Variants in ARL14EP observed in about 807,000 individuals in gnomAD.
ARL14EP encodes ARF like GTPase 14 effector protein, also known as ARL14 effector protein.
ARL14EP carries 12 observed loss-of-function variants against 23.1 expected under a neutral mutation model. That is an observed-to-expected ratio of 0.52 (90% CI 0.33 to 0.84). The LOEUF is 0.84. Among genes scored for constraint, ARL14EP ranks in the 40% least tolerant of loss-of-function variants. ARL14EP has a pLI of 0.02. For missense variants in ARL14EP, 253 were observed against 307.3 expected (o/e 0.82, Z 1.32); for synonymous variants, 97 against 102.0 (o/e 0.95, Z 0.29).
chr11:30,331,850 A>G, intron 2 of ARL14EP: 1 of 969,852 alleles, frequency 1.0e-6, no homozygotes, highest in Middle Eastern at 5.3e-4. Flanking sequence ...CTCCTTTGAC[A>G]CTGTCTCGTT....
intron 1 of ARL14EP, among the ~76,000 whole-genome samples, 171 bp downstream of exon 1, chr11:30,323,373 C>A (rs1371718671): frequency 6.6e-6 from 1 of 152,182 alleles, no homozygotes; most frequent in African/African-American, 2.4e-5. Context: ...CACCCCTACC[C>A]CCGCGTAGTT....
rs1947337977 is a variant in ARL14EP, at chr11:30,336,965, G to C, written c.*170G>C. Reference sequence around the variant, plus strand: ...AGATTCACTATTTGATATAAATTCAGATAGGCTATTTTTCAGTAGTCAGCG... The same window carrying C: ...AGATTCACTATTTGATATAAATTCACATAGGCTATTTTTCAGTAGTCAGCG... On this transcript the variant is annotated 3_prime_UTR_variant, in exon 4 of 4. Coordinates refer to ENST00000282032, the MANE Select transcript of ARL14EP (RefSeq NM_152316.3). The C allele has an allele frequency of 8.8e-6, 6 of 678,024 alleles. No homozygotes were observed. Among genetic ancestry groups the C allele is most frequent in the South Asian group, 8.8e-5 (5 of 56,686 alleles). The allele number at this position is 678,024 out of a possible 1,614,324, so 42.0% of individuals were successfully genotyped here. A position where few individuals can be genotyped will look rare whatever the true frequency, so the allele number is the denominator to read the frequency against.
At chr11:30,332,017 C>T (rs1196679027) in intron 2 of ARL14EP, among the ~76,000 whole-genome samples, 1 of 151,920 alleles carries the variant, frequency 6.6e-6, no homozygotes, top group Non-Finnish European at 1.5e-5. Context: ...TTCCTATTGA[C>T]ATGCCTACAT....
chr11:30,335,937 A>T (rs570316909), intron 3 of ARL14EP, among the ~76,000 whole-genome samples: 2 of 152,262 alleles, frequency 1.3e-5, no homozygotes, highest in African/African-American at 4.8e-5. Context: ...TTTATTTTTT[A>T]CATGTCTGAA....
intron 3 of ARL14EP, among the ~76,000 whole-genome samples, chr11:30,335,127 CA>C (rs902343197): frequency 6.6e-6 from 1 of 152,106 alleles, no homozygotes; most frequent in African/African-American, 2.4e-5. Flanking sequence ...TTGAGGGGTT[CA>C]GGACTTCAGT....
In ARL14EP at chr11:30,331,716, A is replaced by G. The variant is rs1947285602; in HGVS notation, c.426+342A>G. On this transcript the variant is annotated intron_variant, in intron 2 of 3. Transcript: ENST00000282032. The stretch of plus-strand genomic sequence containing the variant: ...CCAAAGTAACTACACGGGACATGGC[A>G]ACCACCAAGGGTCTTTGCAGCAGGA... 2.7e-6 allele frequency: 3 copies of G among 1,111,604 alleles called. No individual in the cohort carries two copies. In the South Asian group the frequency reaches 8.0e-5, roughly 30 times the overall value. 68.9% of individuals were successfully genotyped at this position (1,111,604 alleles called of 1,614,324 possible). A position where few individuals can be genotyped will look rare whatever the true frequency, so the allele number is the denominator to read the frequency against.
At position 30,330,962 on chromosome 11, in the gene ARL14EP, G is replaced by A; in HGVS notation, c.14G>A (p.Cys5Tyr). The change falls in exon 2 of 4, where the codon TGT (cysteine) becomes TAT (tyrosine). Residue 5 changes from cysteine to tyrosine, a missense_variant. Physicochemically the swap from Cys to Tyr is radical, Grantham distance 194 (BLOSUM62 -2). Coordinates refer to ENST00000282032, the MANE Select transcript of ARL14EP (RefSeq NM_152316.3). ...CTAGAATCAAGAATGATGGATCCAT[G>A]TTCAGTTGGAGTCCAGCTTCGTACT... MMDP[C>Y]SVGVQLRTTN... The A allele has an allele frequency of 1.2e-6, 2 of 1,613,656 alleles. No individual in the cohort carries two copies. The highest frequency in any genetic ancestry group is 1.7e-6 in the Non-Finnish European group (2 of 1,179,712).
rs556534065 is a variant in ARL14EP at position 30,337,084 on chromosome 11, A to C, written c.*289A>C. ...GCACAAATTTCAGTGACCTAGATTT[A>C]GTTTAAATACCAGTTTCCTTACCAG... On this transcript the variant is annotated 3_prime_UTR_variant, in exon 4 of 4. Coordinates refer to ENST00000282032, the MANE Select transcript of ARL14EP (RefSeq NM_152316.3). The C allele has an allele frequency of 4.9e-4, 180 of 365,078 alleles. No homozygotes were observed. Among genetic ancestry groups the C allele is most frequent in the African/African-American group, 3.6e-3 (173 of 48,098 alleles). The allele number at this position is 365,078 out of a possible 1,614,324, so 22.6% of individuals were successfully genotyped here.
intron 3 of ARL14EP, among the ~76,000 whole-genome samples, chr11:30,334,509 C>T (rs1038184985): frequency 7.9e-5 from 12 of 152,070 alleles, no homozygotes; most frequent in African/African-American, 2.2e-4. Flanking sequence ...CCACCACGCC[C>T]AGCCAACAAA....
chr11:30,330,094 G>GATGGAACTTTGATT (rs1947270409), intron 1 of ARL14EP: 3 of 151,826 alleles, frequency 2.0e-5, no homozygotes, highest in Admixed American at 2.0e-4. Context: ...TTTTCCATAT[G>GATGGAACTTTGATT]GTTAAAGTCC....
At chr11:30,324,524 G>A (rs996026218) in intron 1 of ARL14EP, among the ~76,000 whole-genome samples, 2 of 152,078 alleles carry the variant, frequency 1.3e-5, no homozygotes, top group African/African-American at 4.8e-5. Context: ...TGTTTTGTTA[G>A]TGGCTGTTTT....
At chr11:30,327,523 G>A (rs1947246016) in intron 1 of ARL14EP, among the ~76,000 whole-genome samples, 1 of 151,846 alleles carries the variant, frequency 6.6e-6, no homozygotes, top group East Asian at 1.9e-4. Context: ...TAGCTTTATG[G>A]CAAAAAAAGT....
In ARL14EP at chr11:30,332,997, G is replaced by C; in HGVS notation, c.554+4G>C. 1 of 1,612,620 alleles carries C rather than the reference G, an allele frequency of 6.2e-7. No individual in the cohort carries two copies. The highest frequency in any genetic ancestry group is 1.1e-5 in the South Asian group (1 of 90,942). ...ATGCAACCGCTGGTTCAGACAGGTA[G>C]GCTAAGTGTTACTGAAGACATGTTA... On this transcript the variant is annotated splice_donor_region_variant and intron_variant, in intron 3 of 3. Transcript: ENST00000282032.
chr11:30,325,085 A>G (rs886123924), intron 1 of ARL14EP, among the ~76,000 whole-genome samples: 5 of 152,212 alleles, frequency 3.3e-5, no homozygotes, highest in Non-Finnish European at 5.9e-5. Flanking sequence ...TGCAATGGGT[A>G]GAACCAAAAG....
chr11:30,336,216 TA>T (rs745883275), intron 3 of ARL14EP, among the ~76,000 whole-genome samples: 7 of 152,156 alleles, frequency 4.6e-5, no homozygotes, highest in Non-Finnish European at 7.4e-5. Context: ...ATAATAAAAA[TA>T]AAACTGTGTT....
At chr11:30,331,492 A>G (rs1369581651) in intron 2 of ARL14EP, 118 bp downstream of exon 2, 2 of 1,527,358 alleles carry the variant, frequency 1.3e-6, no homozygotes, top group Non-Finnish European at 1.8e-6. Flanking sequence ...GTGAATTAAA[A>G]GGAGGGGTGA....
At chr11:30,326,943 T>C (rs932689204) in intron 1 of ARL14EP, among the ~76,000 whole-genome samples, 3 of 152,252 alleles carry the variant, frequency 2.0e-5, no homozygotes, top group Non-Finnish European at 2.9e-5. Context: ...TAGGATATTT[T>C]AATTTTAAAA....
rs1413811621 is a variant in ARL14EP at position 30,336,720 on chromosome 11, C to T, written c.708C>T (p.Arg236=). The T allele has an allele frequency of 1.9e-6, 3 of 1,614,110 alleles. No individual in the cohort carries two copies. Among genetic ancestry groups the T allele is most frequent in the Non-Finnish European group, 8.5e-7 (1 of 1,180,014 alleles). ...CGSTKCGAEC[R]CDRKWLYEQI... is the part of the protein sequence containing the mutation. The stretch of plus-strand genomic sequence containing the variant: ...CTACCAAGTGTGGAGCTGAATGCCG[C>T]TGTGACCGCAAGTGGCTGTATGAGC... Residue 236 remains arginine (R), a synonymous_variant, in exon 4 of 4, where the codon CGC becomes CGT. Coordinates refer to ENST00000282032, the MANE Select transcript of ARL14EP (RefSeq NM_152316.3).
chr11:30,335,418 G>A (rs1947323402), intron 3 of ARL14EP, among the ~76,000 whole-genome samples: 1 of 152,176 alleles, frequency 6.6e-6, no homozygotes, highest in African/African-American at 2.4e-5. Flanking sequence ...ACATTCTACT[G>A]TAGGTAAAAT....
Sources: gnomAD v4.1 joint callset for allele counts (sites outside exome capture counted in the v4.1 genomes callset) on GRCh38, gnomAD v4.1.1 for gene constraint, MANE v1.5 for transcripts, NCBI Gene and HGNC (gene_info 2026-07-23, HGNC 2026-07-21) for gene names.